Variants in LCA5 observed in about 807,000 individuals in gnomAD.
LCA5 encodes the protein lebercilin.
Under a neutral mutation model 53.0 loss-of-function variants are expected in LCA5, and 37 were observed. The observed-to-expected ratio is 0.70, with a 90% CI of 0.54 to 0.92. The LOEUF is 0.92. Among genes scored for constraint, LCA5 ranks in the 40% least tolerant of loss-of-function variants. The pLI is 0.00. For synonymous variants in LCA5, 303 were observed against 282.9 expected, an observed-to-expected ratio of 1.07 and a Z score of -0.71; for missense variants, 806 against 790.5, an observed-to-expected ratio of 1.02 and a Z score of -0.23.
intron 7 of LCA5, chr6:79,488,774 ACAC>A (rs1769748192): frequency 6.9e-6 from 3 of 435,216 alleles, no homozygotes; most frequent in Admixed American, 4.1e-5. Flanking sequence ...ATATGTAAGA[ACAC>A]CACAAGTATA....
intron 1 of LCA5, among the ~76,000 whole-genome samples, chr6:79,524,891 ATAAT>A (rs1766736162): frequency 6.6e-6 from 1 of 152,038 alleles, no homozygotes; most frequent in Admixed American, 6.6e-5. Context: ...TGTTCTTCAG[ATAAT>A]TAACCTTTTT....
Position 79,487,911 on chromosome 6 carries a change from T to A in LCA5, c.1232-45A>T, listed in dbSNP as rs1220034805. ...TTAAATGGGATTTTGTAACAGTCAA[T>A]ATTTTTAAATAGGAAAACTATCAAC... On this transcript the variant is annotated intron_variant, in intron 7 of 7. Transcript: ENST00000369846. The A allele has an allele frequency of 7.1e-6, 10 of 1,412,780 alleles. No individual in the cohort carries two copies. In the African/African-American group the frequency reaches 1.3e-4, roughly 18 times the overall value. 87.5% of individuals were successfully genotyped at this position (1,412,780 alleles called of 1,614,324 possible). A position where few individuals can be genotyped will look rare whatever the true frequency, so the allele number is the denominator to read the frequency against.
At chr6:79,510,137 T>C (rs1456378752) in intron 3 of LCA5, among the ~76,000 whole-genome samples, 1 of 152,116 alleles carries the variant, frequency 6.6e-6, no homozygotes, top group Admixed American at 6.5e-5. Flanking sequence ...CAAGAGTGTA[T>C]AGTAACAACA....
chr6:79,538,040 T>G (rs1267826567), upstream of LCA5, among the ~76,000 whole-genome samples: 3 of 140,584 alleles, frequency 2.1e-5, no homozygotes, highest in Admixed American at 1.4e-4. Context: ...TTTTTTTTTT[T>G]TTTTTTTTTT....
intron 6 of LCA5, 68 bp downstream of exon 6, chr6:79,491,520 G>T: frequency 2.0e-6 from 3 of 1,521,822 alleles, no homozygotes; most frequent in Non-Finnish European, 2.7e-6. Context: ...ATTTTAAAAT[G>T]TCTGATATTG....
upstream of LCA5, among the ~76,000 whole-genome samples, chr6:79,538,018 GTTTTTTTTTTTTTTTTTT>G (rs869197362): frequency 5.0e-4 from 22 of 44,164 alleles, no homozygotes; most frequent in Admixed American, 1.9e-3. Context: ...TTGCACACAA[GTTTTTTTTTTTTTTTTTT>G]TTTTTTTTTT....
intron 3 of LCA5, among the ~76,000 whole-genome samples, chr6:79,504,912 T>G (rs1770236723): frequency 6.6e-6 from 1 of 152,160 alleles, no homozygotes; most frequent in African/African-American, 2.4e-5. Context: ...TTGAACAATG[T>G]GTATGGTACA....
At chr6:79,538,472 T>A (rs1163433395), upstream of LCA5, among the ~76,000 whole-genome samples, 1 of 152,230 alleles carries the variant, frequency 6.6e-6, no homozygotes, top group East Asian at 1.9e-4. Context: ...AATGTAATTT[T>A]CTGTATGCGA....
intron 3 of LCA5, 64 bp from the exon 4 acceptor site, chr6:79,493,814 T>G: frequency 1.6e-6 from 2 of 1,255,614 alleles, no homozygotes; most frequent in Non-Finnish European, 2.3e-6. Flanking sequence ...ACATAACACA[T>G]GGCAGTGTCA....
At chr6:79,517,791 C>T (rs534248578) in intron 2 of LCA5, among the ~76,000 whole-genome samples, 46 of 152,150 alleles carry the variant, frequency 3.0e-4, no homozygotes, top group African/African-American at 1.1e-3. Flanking sequence ...TATGTCCTTG[C>T]TTAAATCCTT....
intron 1 of LCA5, among the ~76,000 whole-genome samples, chr6:79,530,833 CA>C (rs1338100349): frequency 1.3e-5 from 2 of 150,310 alleles, no homozygotes; most frequent in African/African-American, 4.9e-5. Context: ...AGCAAACAGG[CA>C]AATAGAATAT....
chr6:79,487,634 A>C lies in LCA5; in HGVS notation c.1464T>G (p.Val488=), dbSNP rs1405599938. ...LQDSRNLKYP[V]LPLLPDFESK... ...ATTCAAAATCAGGTAACAATGGCAA[A>C]ACAGGGTATTTTAGATTTCGAGAAT... The change falls in exon 8 of 8, where the codon GTT becomes GTG. Residue 488 remains valine (V), a synonymous_variant. Coordinates refer to ENST00000369846, the MANE Select transcript of LCA5 (RefSeq NM_001122769.3). 1 of 1,613,900 alleles carries C rather than the reference A, an allele frequency of 6.2e-7. No individual in the cohort carries two copies. The highest frequency in any genetic ancestry group is 8.5e-7 in the Non-Finnish European group (1 of 1,179,944).
rs1206088590 is a variant in LCA5, at chr6:79,491,704, G to A, written c.982C>T (p.Leu328=). ...NAACQSDFAD[L]CTKGVQTMED... ...ATGGTTTGTACTCCTTTTGTACACA[G>A]GTCTGCAAAATCACTCTGGCATGCA... The change falls in exon 6 of 8, where the codon CTG becomes TTG. Residue 328 remains leucine, a synonymous_variant. Transcript: ENST00000369846. The A allele has an allele frequency of 1.2e-6, 2 of 1,612,738 alleles. No homozygotes were observed. The highest frequency in any genetic ancestry group is 2.2e-5 in the East Asian group (1 of 44,798).
chr6:79,494,008 A>G (rs565929635), intron 3 of LCA5, among the ~76,000 whole-genome samples: 1 of 152,252 alleles, frequency 6.6e-6, no homozygotes, highest in East Asian at 1.9e-4. Context: ...GCTCATGCCT[A>G]TAATCCTGTG....
chr6:79,494,555 C>CA (rs200801212), intron 3 of LCA5, among the ~76,000 whole-genome samples: 3 of 150,918 alleles, frequency 2.0e-5, no homozygotes, highest in Non-Finnish European at 1.5e-5. Context: ...AATAAAATAA[C>CA]AAAAAAATAG....
At chr6:79,490,873 C>T (rs992314688) in intron 6 of LCA5, among the ~76,000 whole-genome samples, 7 of 151,962 alleles carry the variant, frequency 4.6e-5, no homozygotes, top group African/African-American at 1.4e-4. Context: ...AAAGATAAAA[C>T]TCTCTTAGAG....
rs1211155940 is a variant in LCA5, at chr6:79,485,567, A to T, written c.*1437T>A. 6.6e-6 allele frequency: 1 copy of T among 152,238 alleles called. No individual in the cohort carries two copies. Among genetic ancestry groups the T allele is most frequent in the Non-Finnish European group, 1.5e-5 (1 of 68,012 alleles). The allele number at this position is 152,238 out of a possible 1,614,324, so 9.4% of individuals were successfully genotyped here. On this transcript the variant is annotated 3_prime_UTR_variant, in exon 8 of 8. Coordinates refer to ENST00000369846, the MANE Select transcript of LCA5 (RefSeq NM_001122769.3). ...AAGATGACAGGTGGTACATCTTTTA[A>T]TTGGAGACCTAACCAGGTAAGTCTT...
At chr6:79,519,791 ATTT>A (rs1182056515) in intron 1 of LCA5, among the ~76,000 whole-genome samples, 1 of 151,984 alleles carries the variant, frequency 6.6e-6, no homozygotes, top group Non-Finnish European at 1.5e-5. Context: ...ACTAAAGTAC[ATTT>A]TTTAAAAACT....
intron 1 of LCA5, 101 bp from the exon 2 acceptor site, chr6:79,519,186 A>C (rs1766546559): frequency 7.3e-6 from 3 of 408,818 alleles, no homozygotes; most frequent in Non-Finnish European, 8.9e-6. Flanking sequence ...TATATAGCTT[A>C]CAATTTTTAA....
Sources: gnomAD v4.1 joint callset for allele counts (sites outside exome capture counted in the v4.1 genomes callset) on GRCh38, gnomAD v4.1.1 for gene constraint, MANE v1.5 for transcripts, NCBI Gene and HGNC (gene_info 2026-07-23, HGNC 2026-07-21) for gene names.